CSMD1: variants seen among roughly 807,000 people sequenced by gnomAD.
The protein encoded by CSMD1 is CUB and sushi domain-containing protein 1.
A neutral mutation model predicts 417.5 loss-of-function variants in CSMD1; 213 were observed. The observed-to-expected ratio is 0.51, with a 90% CI of 0.46 to 0.57. The LOEUF is 0.57. Among genes scored for constraint, CSMD1 ranks in the 20% least tolerant of loss-of-function variants. The pLI, the probability that CSMD1 is intolerant of heterozygous loss-of-function variation, is 0.00. For missense variants in CSMD1, 6,923 were observed against 4,529.7 expected (o/e 1.53, Z -15.17); for synonymous variants, 2,862 against 1,736.8 (o/e 1.65, Z -16.11).
intron 3 of CSMD1, among the ~76,000 whole-genome samples, chr8:4,195,563 G>T (rs1030026154): frequency 6.6e-6 from 1 of 152,126 alleles, no homozygotes; most frequent in South Asian, 2.1e-4. Context: ...CTGACCAATA[G>T]TATATGGTAG....
intron 6 of CSMD1, among the ~76,000 whole-genome samples, chr8:3,719,093 C>A (rs546764687): frequency 6.6e-6 from 1 of 152,254 alleles, no homozygotes; most frequent in African/African-American, 2.4e-5. Flanking sequence ...GTGTCTCAGA[C>A]GATTCGCAAA....
chr8:3,391,188 G>T (rs534407993), intron 17 of CSMD1, among the ~76,000 whole-genome samples: 67 of 152,264 alleles, frequency 4.4e-4, no homozygotes, highest in African/African-American at 1.5e-3. Context: ...AATTGGTGTG[G>T]TGTGCACGCA....
intron 40 of CSMD1, among the ~76,000 whole-genome samples, chr8:3,146,499 G>A (rs1041929799): frequency 1.3e-5 from 2 of 152,056 alleles, no homozygotes; most frequent in Non-Finnish European, 2.9e-5. Flanking sequence ...TTAAAAATAA[G>A]GAAACAAGTT....
chr8:2,981,192 T>G (rs1181525536), intron 54 of CSMD1, among the ~76,000 whole-genome samples: 2 of 152,248 alleles, frequency 1.3e-5, no homozygotes, highest in East Asian at 3.8e-4. Context: ...TGTGTTTTAC[T>G]GTACAGAGAA....
intron 1 of CSMD1, among the ~76,000 whole-genome samples, chr8:4,743,052 T>G (rs1446530066): frequency 6.6e-6 from 1 of 152,210 alleles, no homozygotes; most frequent in Non-Finnish European, 1.5e-5. Flanking sequence ...TTGTTTGTAT[T>G]TTATTACATT....
At chr8:4,110,702 T>C (rs184655075) in intron 3 of CSMD1, among the ~76,000 whole-genome samples, 600 of 152,198 alleles carry the variant, frequency 3.9e-3, no homozygotes, top group African/African-American at 0.013. Context: ...GCTTATAATT[T>C]CAGGGTTTTT....
intron 7 of CSMD1, among the ~76,000 whole-genome samples, chr8:3,638,433 G>A (rs9792138): frequency 0.14 from 20,802 of 151,206 alleles, 2,860 homozygotes; most frequent in African/African-American, 0.35. Flanking sequence ...CACCGCAACT[G>A]CACCCCTCCA....
At chr8:3,839,207 A>G (rs1450356074) in intron 5 of CSMD1, among the ~76,000 whole-genome samples, 1 of 126,316 alleles carries the variant, frequency 7.9e-6, no homozygotes, top group African/African-American at 2.9e-5. Context: ...AATATGTAAT[A>G]AATTAATATA....
intron 26 of CSMD1, among the ~76,000 whole-genome samples, chr8:3,232,173 T>C (rs1798881584): frequency 6.6e-6 from 1 of 152,214 alleles, no homozygotes; most frequent in African/African-American, 2.4e-5. Flanking sequence ...ACTTTCTGAA[T>C]TTTATGTTTA....
chr8:4,929,210 T>G (rs1177356649), intron 1 of CSMD1, among the ~76,000 whole-genome samples: 5 of 151,898 alleles, frequency 3.3e-5, no homozygotes, highest in Non-Finnish European at 7.4e-5. Context: ...GGGGACACAG[T>G]GAGAAGGCAG....
chr8:3,807,298 A>G (rs1350064578), intron 5 of CSMD1, among the ~76,000 whole-genome samples: 1 of 152,226 alleles, frequency 6.6e-6, no homozygotes, highest in East Asian at 1.9e-4. Flanking sequence ...GCATGCCAGC[A>G]AAATAAAATA....
At chr8:4,803,793 T>A (rs1169266740) in intron 1 of CSMD1, among the ~76,000 whole-genome samples, 1 of 152,226 alleles carries the variant, frequency 6.6e-6, no homozygotes, top group Non-Finnish European at 1.5e-5. Flanking sequence ...CTTCTCTTTG[T>A]TGGTGCTCTA....
chr8:4,991,861 A>T (rs1009976827), intron 1 of CSMD1, among the ~76,000 whole-genome samples: 129 of 152,262 alleles, frequency 8.5e-4, no homozygotes, highest in African/African-American at 3.0e-3. Flanking sequence ...TTGACCCCGC[A>T]GGCGTGGAGG....
intron 2 of CSMD1, among the ~76,000 whole-genome samples, chr8:4,449,557 G>A (rs1315391892): frequency 6.6e-6 from 1 of 152,112 alleles, no homozygotes; most frequent in African/African-American, 2.4e-5. Flanking sequence ...GGATCCCAAT[G>A]GACTCATCTA....
chr8:4,704,190 T>G (rs1807771095), intron 1 of CSMD1, among the ~76,000 whole-genome samples: 1 of 152,214 alleles, frequency 6.6e-6, no homozygotes. Context: ...GTAAGTCAAA[T>G]TTAATACGCT....
rs563242660 is a variant in CSMD1 at position 3,210,436 on chromosome 8, A to AT, written c.4867+4060_4867+4061insA. Among the ~76,000 whole-genome samples the AT allele has an allele frequency of 2.3e-3, 351 of 149,956 alleles. 2 individuals carry two copies. The highest frequency in any genetic ancestry group is 8.0e-3 in the African/African-American group (326 of 40,962). ...TATATATGACCTATATATATATAGG[A>AT]ATATACATATATATGACCTATATAT... On this transcript the variant is annotated intron_variant, in intron 30 of 69. Coordinates refer to ENST00000635120, the MANE Select transcript of CSMD1 (RefSeq NM_033225.6).
At position 4,496,652 on chromosome 8, in the gene CSMD1, G is replaced by T. The variant is rs186616347; in HGVS notation, c.303-76587C>A. ...TCTCCCTGTCTCATAGCTCCTTTTG[G>T]TCTCCCCCTCCCTTTATCCTGCCAC... On this transcript the variant is annotated intron_variant, in intron 2 of 69. Transcript: ENST00000635120. Among the ~76,000 whole-genome samples the T allele has an allele frequency of 7.6e-3, 1,149 of 151,852 alleles. 14 individuals carry two copies. Among genetic ancestry groups the T allele is most frequent in the African/African-American group, 0.027 (1,105 of 41,396 alleles).
intron 1 of CSMD1, among the ~76,000 whole-genome samples, chr8:4,777,870 C>T (rs1796946704): frequency 6.6e-6 from 1 of 152,220 alleles, no homozygotes; most frequent in African/African-American, 2.4e-5. Context: ...TGACTTCTGA[C>T]ACACTGAAAT....
chr8:3,675,547 G>T (rs959919295), intron 7 of CSMD1, among the ~76,000 whole-genome samples: 1 of 152,036 alleles, frequency 6.6e-6, no homozygotes, highest in Non-Finnish European at 1.5e-5. Flanking sequence ...TGGAAGTGAT[G>T]CTTTCAGGAA....
Sources: allele counts gnomAD v4.1 joint callset (sites outside exome capture counted in the v4.1 genomes callset), GRCh38; gene constraint gnomAD v4.1.1; transcripts MANE v1.5; gene names NCBI Gene and HGNC (gene_info 2026-07-23, HGNC 2026-07-21).